The following PITPNC1 variants were observed in gnomAD, a reference collection of about 807,000 sequenced individuals.
The protein encoded by PITPNC1 is cytoplasmic phosphatidylinositol transfer protein 1.
A neutral mutation model predicts 44.7 loss-of-function variants in PITPNC1; 18 were observed. The observed-to-expected ratio is 0.40, with a 90% CI of 0.28 to 0.60. The LOEUF is 0.60. Ranked by LOEUF, PITPNC1 falls within the 20% of genes least tolerant of loss-of-function variation. The pLI, the probability that PITPNC1 is intolerant of heterozygous loss-of-function variation, is 0.39. For synonymous variants in PITPNC1, 141 were observed against 149.6 expected, an observed-to-expected ratio of 0.94 and a Z score of 0.42; for missense variants, 290 against 418.4, an observed-to-expected ratio of 0.69 and a Z score of 2.68.
At chr17:67,515,624 A>C (rs946006673) in intron 1 of PITPNC1, among the ~76,000 whole-genome samples, 3 of 152,150 alleles carry the variant, frequency 2.0e-5, no homozygotes, top group African/African-American at 7.2e-5. Context: ...CTGGGCGTGG[A>C]GCCGGCTGCC....
At chr17:67,595,756 C>G (rs1432031686) in intron 5 of PITPNC1, among the ~76,000 whole-genome samples, 1 of 152,170 alleles carries the variant, frequency 6.6e-6, no homozygotes, top group African/African-American at 2.4e-5. Context: ...TATTGAAGGC[C>G]TGTTTATATT....
chr17:67,453,177 T>C (rs899015499), intron 1 of PITPNC1, among the ~76,000 whole-genome samples: 7 of 152,172 alleles, frequency 4.6e-5, no homozygotes, highest in Non-Finnish European at 8.8e-5. Context: ...ACTGATACTT[T>C]GTAGGAGTGG....
At chr17:67,470,140 T>A (rs2143998574) in intron 1 of PITPNC1, among the ~76,000 whole-genome samples, 1 of 152,200 alleles carries the variant, frequency 6.6e-6, no homozygotes, top group Admixed American at 6.5e-5. Flanking sequence ...CCAGGCTGTT[T>A]TCAAGCTCCT....
chr17:67,638,330 AC>A, intron 6 of PITPNC1: 1 of 152,186 alleles, frequency 6.6e-6, no homozygotes, highest in Non-Finnish European at 1.5e-5. Flanking sequence ...GAGAGATCTA[AC>A]CCAGAGGCCT....
Position 67,628,702 on chromosome 17 carries a change from C to T in PITPNC1, c.367-3441C>T, listed in dbSNP as rs1410507769. Among the ~76,000 whole-genome samples, 3 of 152,058 alleles carry T rather than the reference C, an allele frequency of 2.0e-5. No homozygotes were observed. The East Asian group carries it at 5.8e-4, about 29-fold the overall frequency. On this transcript the variant is annotated intron_variant, in intron 5 of 8. Transcript: ENST00000581322. ...ACAGGGGTGTGTGTGGAGAGAGAGT[C>T]GGGGCACGCTGCCAGTGCAAGGCCT... is the stretch of plus-strand genomic sequence containing the variant.
chr17:67,691,463 C>A (rs1170129896), intron 8 of PITPNC1, among the ~76,000 whole-genome samples: 1 of 151,946 alleles, frequency 6.6e-6, no homozygotes, highest in Non-Finnish European at 1.5e-5. Context: ...AAATAGAATC[C>A]TCACTATTAA....
chr17:67,425,258 CACACAG>C (rs1235274175), intron 1 of PITPNC1, among the ~76,000 whole-genome samples: 1,486 of 121,624 alleles, frequency 0.012, 41 homozygotes, highest in Admixed American at 0.018. Context: ...CACACACACA[CACACAG>C]AGGGAGAGAG....
At position 67,696,261 on chromosome 17, in the gene PITPNC1, A is replaced by T. The variant is rs2043009855; in HGVS notation, c.*3373A>T. On this transcript the variant is annotated 3_prime_UTR_variant, in exon 9 of 9. Coordinates refer to ENST00000581322, the MANE Select transcript of PITPNC1 (RefSeq NM_012417.4). Reference sequence around the variant, plus strand: ...ACACTGTAATAAACAGTGAACTAAGAGAATAGATTCTGATACATCTCGATA... The same window carrying T: ...ACACTGTAATAAACAGTGAACTAAGTGAATAGATTCTGATACATCTCGATA... 6.6e-6 allele frequency: 1 copy of T among 152,242 alleles called. No homozygotes were observed. The highest frequency in any genetic ancestry group is 6.5e-5 in the Admixed American group (1 of 15,286). 9.4% of individuals were successfully genotyped at this position (152,242 alleles called of 1,614,324 possible). A position where few individuals can be genotyped will look rare whatever the true frequency, so the allele number is the denominator to read the frequency against.
chr17:67,609,650 CAA>C (rs1302960109), intron 5 of PITPNC1, among the ~76,000 whole-genome samples: 1 of 152,028 alleles, frequency 6.6e-6, no homozygotes, highest in African/African-American at 2.4e-5. Flanking sequence ...AAAGTCACCC[CAA>C]GAGAGAGCAG....
At chr17:67,436,413 A>T (rs2038937173) in intron 1 of PITPNC1, among the ~76,000 whole-genome samples, 7 of 152,062 alleles carry the variant, frequency 4.6e-5, no homozygotes, top group Admixed American at 4.6e-4. Context: ...AGACACAGGG[A>T]GCAGCAAGTA....
chr17:67,382,798 G>C (rs2037983340), intron 1 of PITPNC1, among the ~76,000 whole-genome samples: 1 of 151,542 alleles, frequency 6.6e-6, no homozygotes, highest in African/African-American at 2.4e-5. Flanking sequence ...CTAATTTTTT[G>C]TATTTTTAGT....
intron 1 of PITPNC1, among the ~76,000 whole-genome samples, chr17:67,425,193 G>GCACACA (rs201370650): frequency 1.9e-5 from 1 of 52,118 alleles, no homozygotes; most frequent in East Asian, 5.5e-4. Flanking sequence ...TTGTGCGCGC[G>GCACACA]CACGCACACG....
At chr17:67,679,977 G>A (rs1397974902) in intron 8 of PITPNC1, among the ~76,000 whole-genome samples, 1 of 152,178 alleles carries the variant, frequency 6.6e-6, no homozygotes, top group African/African-American at 2.4e-5. Context: ...TTGAAAACCT[G>A]ACTCTAACCA....
Position 67,607,538 on chromosome 17 carries a change from A to G in PITPNC1, c.367-24605A>G, listed in dbSNP as rs113919050. 7.4e-3 allele frequency among the ~76,000 whole-genome samples: 1,132 copies of G among 152,282 alleles called. 19 individuals carry two copies. Among genetic ancestry groups the G allele is most frequent in the African/African-American group, 0.026 (1,064 of 41,570 alleles). On this transcript the variant is annotated intron_variant, in intron 5 of 8. Transcript: ENST00000581322. ...TTTGTAGCCTTCTTTTACACTTCTT[A>G]TTTGGAAAATTTCAAACCTACAGAG... is the stretch of plus-strand genomic sequence containing the variant.
chr17:67,491,491 C>A lies in PITPNC1; in HGVS notation c.49-41311C>A, dbSNP rs1340207412. The stretch of plus-strand genomic sequence containing the variant: ...CTGTCTAAAATTATAGCCTGGTTTT[C>A]TGAGCTGATGTGGCACAGAGCACAC... On this transcript the variant is annotated intron_variant, in intron 1 of 8. Coordinates refer to ENST00000581322, the MANE Select transcript of PITPNC1 (RefSeq NM_012417.4). Among the ~76,000 whole-genome samples the A allele has an allele frequency of 2.0e-5, 3 of 152,350 alleles. No individual in the cohort carries two copies. In the East Asian group the frequency reaches 5.8e-4, roughly 29 times the overall value.
In PITPNC1 at chr17:67,696,119, G is replaced by GTATT. The variant is rs1358957177; in HGVS notation, c.*3236_*3239dup. On this transcript the variant is annotated 3_prime_UTR_variant, in exon 9 of 9. Transcript: ENST00000581322. ...GAGGAAAATTTTAATTTATTTGGAAGTATTTATTAGCCATGTTGTTGGTCC... is the reference window on the plus strand; with the variant it reads ...GAGGAAAATTTTAATTTATTTGGAAGTATTTATTTATTAGCCATGTTGTTGGTCC... 1 of 152,176 alleles carries GTATT rather than the reference G, an allele frequency of 6.6e-6. No individual in the cohort carries two copies. Among genetic ancestry groups the GTATT allele is most frequent in the Non-Finnish European group, 1.5e-5 (1 of 68,038 alleles). 9.4% of individuals were successfully genotyped at this position (152,176 alleles called of 1,614,324 possible).
intron 5 of PITPNC1, among the ~76,000 whole-genome samples, chr17:67,592,572 A>G (rs547801025): frequency 1.6e-4 from 24 of 152,384 alleles, no homozygotes; most frequent in African/African-American, 5.3e-4. Context: ...AGTTCATCAT[A>G]TCTGATAACA....
chr17:67,664,963 C>A (rs1311396026), intron 6 of PITPNC1, among the ~76,000 whole-genome samples: 1 of 150,636 alleles, frequency 6.6e-6, no homozygotes, highest in Non-Finnish European at 1.5e-5. Flanking sequence ...AATAATATTT[C>A]ATTGTGTGGA....
intron 1 of PITPNC1, among the ~76,000 whole-genome samples, chr17:67,392,971 TA>T (rs1235501898): frequency 6.6e-6 from 1 of 151,834 alleles, no homozygotes; most frequent in African/African-American, 2.4e-5. Context: ...CTACTAAAAA[TA>T]CAGAAAAGTT....
Sources: gnomAD v4.1 joint callset for allele counts (sites outside exome capture counted in the v4.1 genomes callset) on GRCh38, gnomAD v4.1.1 for gene constraint, MANE v1.5 for transcripts, NCBI Gene and HGNC (gene_info 2026-07-23, HGNC 2026-07-21) for gene names.